SPAG17: variants seen among roughly 807,000 people sequenced by gnomAD.
SPAG17 encodes sperm associated antigen 17.
A neutral mutation model predicts 273.6 loss-of-function variants in SPAG17; 169 were observed. That is an observed-to-expected ratio of 0.62 (90% CI 0.55 to 0.70). The LOEUF (loss-of-function observed/expected upper bound fraction) is 0.70, where lower values mean the gene tolerates loss of function less well. Ranked by LOEUF, SPAG17 falls within the 30% of genes least tolerant of loss-of-function variation. The pLI is 0.00. For synonymous variants in SPAG17, 825 were observed against 873.2 expected (o/e 0.94, Z 0.97); for missense variants, 2,557 against 2,627.8 (o/e 0.97, Z 0.59).
intron 3 of SPAG17, among the ~76,000 whole-genome samples, chr1:118,125,400 T>C (rs1657661306): frequency 6.6e-6 from 1 of 152,130 alleles, no homozygotes; most frequent in African/African-American, 2.4e-5. Context: ...AAAATCTTCT[T>C]TTTTAGCTAT....
At chr1:118,057,564 G>A (rs2102010566) in intron 18 of SPAG17, among the ~76,000 whole-genome samples, 1 of 152,140 alleles carries the variant, frequency 6.6e-6, no homozygotes, top group East Asian at 1.9e-4. Flanking sequence ...TATTAAATAT[G>A]CAATGATTCA....
At position 118,185,057 on chromosome 1, in the gene SPAG17, G is replaced by A; in HGVS notation, c.87+14C>T. 1 of 1,612,862 alleles carries A rather than the reference G, an allele frequency of 6.2e-7. No homozygotes were observed. The highest frequency in any genetic ancestry group is 8.5e-7 in the Non-Finnish European group (1 of 1,178,908). On this transcript the variant is annotated intron_variant, in intron 1 of 48. Transcript: ENST00000336338. ...TGCCGGGGGCAGGGAGGGCTTAAAG[G>A]GCTCAAGGCTCACCTGATTGAACTG...
rs767255236 is a variant in SPAG17, at chr1:118,041,879, G to A, written c.2978C>T (p.Ser993Phe). Residue 993 changes from serine to phenylalanine, a missense_variant, in exon 21 of 49, where the codon TCT becomes TTT. By Grantham distance (155) the Ser-to-Phe change is radical. Coordinates refer to ENST00000336338, the MANE Select transcript of SPAG17 (RefSeq NM_206996.4). Reference sequence around the variant, plus strand: ...TTGGATCTTGACTTGTTCTTCTTTAGATTTCTCCTTGTAAGGTGATTTTTT... The same window carrying A: ...TTGGATCTTGACTTGTTCTTCTTTAAATTTCTCCTTGTAAGGTGATTTTTT... ...LKKKSPYKEK[S>F]KEEQVKIQEV... 1 of 1,613,874 alleles carries A rather than the reference G, an allele frequency of 6.2e-7. No individual in the cohort carries two copies. The highest frequency in any genetic ancestry group is 1.1e-5 in the South Asian group (1 of 91,066).
chr1:117,960,126 G>GTGTT (rs1266813480), intron 48 of SPAG17: 1 of 147,386 alleles, frequency 6.8e-6, no homozygotes, highest in Non-Finnish European at 1.5e-5. Context: ...GTGTGTGTGT[G>GTGTT]TGTGTGTGTG....
Position 118,091,705 on chromosome 1 carries a change from G to A in SPAG17, c.1260C>T (p.Ile420=). 8.2e-6 allele frequency: 13 copies of A among 1,588,494 alleles called. No individual in the cohort carries two copies. The highest frequency in any genetic ancestry group is 1.0e-5 in the Non-Finnish European group (12 of 1,157,388). ...AATATCTCATGTCTACTTCAGTTGT[G>A]ATGACTGAAGTCACTGTAAAATATA... The part of the protein sequence containing the change: ...PQAPPPVTSV[I]TTEVDMRYYN... Residue 420 remains isoleucine (I), a synonymous_variant, in exon 10 of 49, where the codon ATC becomes ATT. Coordinates refer to ENST00000336338, the MANE Select transcript of SPAG17 (RefSeq NM_206996.4).
At position 118,123,213 on chromosome 1, in the gene SPAG17, T is replaced by G. The variant is rs187568451; in HGVS notation, c.316-7772A>C. ...CTTCCCTCCTTCATTCTTTCTGCAT[T>G]TATTTAGGGCCAACTATATTGTAGT... On this transcript the variant is annotated intron_variant, in intron 3 of 48. Transcript: ENST00000336338. 2.6e-5 allele frequency among the ~76,000 whole-genome samples: 4 copies of G among 152,254 alleles called. No homozygotes were observed. The East Asian group carries it at 7.7e-4, about 29-fold the overall frequency.
intron 12 of SPAG17, among the ~76,000 whole-genome samples, 184 bp downstream of exon 12, chr1:118,086,487 C>CCGAAAA (rs1655005405): frequency 1.3e-5 from 2 of 152,192 alleles, no homozygotes; most frequent in Admixed American, 1.3e-4. Context: ...ATTTCCTCGG[C>CCGAAAA]TGACATCATT....
At position 118,058,684 on chromosome 1, in the gene SPAG17, C is replaced by T. The variant is rs561011150; in HGVS notation, c.2541-2770G>A. 2.6e-5 allele frequency among the ~76,000 whole-genome samples: 4 copies of T among 152,250 alleles called. No homozygotes were observed. In the South Asian group the frequency reaches 8.3e-4, roughly 32 times the overall value. ...TTCTTGCTACAGGAGAAAAGTAATCCTCTTCTTAGTTTAACCCCAGTAATC... is the reference window on the plus strand; with the variant it reads ...TTCTTGCTACAGGAGAAAAGTAATCTTCTTCTTAGTTTAACCCCAGTAATC... On this transcript the variant is annotated intron_variant, in intron 18 of 48. Coordinates refer to ENST00000336338, the MANE Select transcript of SPAG17 (RefSeq NM_206996.4).
Position 117,996,591 on chromosome 1 carries a change from C to A in SPAG17, c.4922+7G>T, listed in dbSNP as rs776654795. On this transcript the variant is annotated splice_region_variant and intron_variant, in intron 33 of 48. Transcript: ENST00000336338. Reference sequence around the variant, plus strand: ...TTAAAAGTAAAATTATAGTATTATTCTTTTACCTGGGGACATGTTCACCAT... The same window carrying A: ...TTAAAAGTAAAATTATAGTATTATTATTTTACCTGGGGACATGTTCACCAT... 2 of 1,607,958 alleles carry A rather than the reference C, an allele frequency of 1.2e-6. No homozygotes were observed. The highest frequency in any genetic ancestry group is 3.4e-5 in the Admixed American group (2 of 58,678).
intron 3 of SPAG17, among the ~76,000 whole-genome samples, chr1:118,117,008 G>C (rs1191383820): frequency 6.6e-6 from 1 of 152,206 alleles, no homozygotes; most frequent in Non-Finnish European, 1.5e-5. Context: ...TAAGGGGATG[G>C]AGGTCAGGCG....
intron 13 of SPAG17, among the ~76,000 whole-genome samples, chr1:118,084,708 C>A (rs1654849409): frequency 6.6e-6 from 1 of 152,154 alleles, no homozygotes; most frequent in South Asian, 2.1e-4. Context: ...CTTAAAATTG[C>A]AGATTGTACC....
chr1:118,002,258 T>C lies in SPAG17; in HGVS notation c.4776+3156A>G, dbSNP rs566932808. Among the ~76,000 whole-genome samples the C allele has an allele frequency of 1.2e-3, 176 of 152,310 alleles. 2 individuals carry two copies. The highest frequency in any genetic ancestry group is 4.0e-3 in the African/African-American group (167 of 41,572). ...TTACTTCCAATTACGTGGTCAATTGTAAAATAAGTGTGATGTGGTGCTGAG... is the reference window on the plus strand; with the variant it reads ...TTACTTCCAATTACGTGGTCAATTGCAAAATAAGTGTGATGTGGTGCTGAG... On this transcript the variant is annotated intron_variant, in intron 32 of 48. Transcript: ENST00000336338.
In SPAG17 at chr1:118,101,776, G is replaced by T. The variant is rs143258028; in HGVS notation, c.598C>A (p.Arg200=). The change falls in exon 5 of 49, where the codon CGG becomes AGG. Residue 200 remains arginine (R), a synonymous_variant. Transcript: ENST00000336338. ...TTGGTGTGGTCGTCTTCTCCTCTCC[G>T]CTTTAACTGGGTGGTCTTTTTCACT... The part of the protein sequence containing the change: ...APVKKTTQLK[R]RGEDDHTNRY... The T allele has an allele frequency of 6.2e-7, 1 of 1,613,956 alleles. No homozygotes were observed. Among genetic ancestry groups the T allele is most frequent in the East Asian group, 2.2e-5 (1 of 44,872 alleles).
intron 48 of SPAG17, chr1:117,958,770 T>TTA (rs1553207438): frequency 2.6e-6 from 1 of 384,958 alleles, no homozygotes; most frequent in East Asian, 5.2e-5. Flanking sequence ...TCTTTGGCTT[T>TTA]TTTTTTTTTT....
chr1:117,996,610 T>A lies in SPAG17; in HGVS notation c.4910A>T (p.Glu1637Val). ...ATTATTCTTTTACCTGGGGACATGT[T>A]CACCATAGATTTGCTGATGATTCTT... Reference protein sequence around the residue: ...LEKNHQQIYGEHVPRFFVMYA... With the variant: ...LEKNHQQIYGVHVPRFFVMYA... The change falls in exon 33 of 49, where the codon GAA becomes GTA. Residue 1637 changes from glutamate to valine, a missense_variant. Coordinates refer to ENST00000336338, the MANE Select transcript of SPAG17 (RefSeq NM_206996.4). 2.5e-6 allele frequency: 4 copies of A among 1,611,026 alleles called. No homozygotes were observed. The South Asian group carries it at 4.4e-5, about 18-fold the overall frequency.
In SPAG17 at chr1:117,988,159, G is replaced by A. The variant is rs1656649914; in HGVS notation, c.5567C>T (p.Pro1856Leu). Residue 1856 changes from proline to leucine, a missense_variant, in exon 39 of 49, where the codon CCT becomes CTT. Coordinates refer to ENST00000336338, the MANE Select transcript of SPAG17 (RefSeq NM_206996.4). ...AAATGTGTCTGGTGGGCATTTTGGA[G>A]GCGTAGCCAAAGACTGCTTGAATAA... Reference protein sequence around the residue: ...TDLFKQSLATPPKCPPDTFGK... With the variant: ...TDLFKQSLATLPKCPPDTFGK... 5.6e-6 allele frequency: 9 copies of A among 1,607,508 alleles called. No homozygotes were observed. Among genetic ancestry groups the A allele is most frequent in the Non-Finnish European group, 6.8e-6 (8 of 1,178,338 alleles).
chr1:118,040,694 G>A (rs1164211459), intron 22 of SPAG17, 36 bp downstream of exon 22: 1 of 1,361,372 alleles, frequency 7.3e-7, no homozygotes, highest in Non-Finnish European at 1.1e-6. Context: ...GCATTATTAT[G>A]TTTCCAATCA....
intron 47 of SPAG17, 158 bp from the exon 48 acceptor site, chr1:117,964,096 G>A (rs1481467009): frequency 1.4e-6 from 1 of 721,862 alleles, no homozygotes; most frequent in Non-Finnish European, 2.2e-6. Context: ...TCAGGCTTGG[G>A]GGTTAGAGGA....
At chr1:118,007,994 G>A (rs1472443185) in intron 31 of SPAG17, 50 bp downstream of exon 31, 1 of 1,609,664 alleles carries the variant, frequency 6.2e-7, no homozygotes, top group Non-Finnish European at 8.5e-7. Context: ...GGTTTTCTCA[G>A]CTGAATAGAC....
Sources: allele counts gnomAD v4.1 joint callset (sites outside exome capture counted in the v4.1 genomes callset), GRCh38; gene constraint gnomAD v4.1.1; transcripts MANE v1.5; gene names NCBI Gene and HGNC (gene_info 2026-07-23, HGNC 2026-07-21).